Variants in PLCE1 observed in about 807,000 individuals in gnomAD.
PLCE1 encodes phospholipase C epsilon 1.
Under a neutral mutation model 242.8 loss-of-function variants are expected in PLCE1, and 119 were observed. The ratio of observed to expected loss-of-function variants is 0.49; its 90% confidence interval spans 0.42 to 0.57. The LOEUF (loss-of-function observed/expected upper bound fraction) is 0.57. Ranked by LOEUF, PLCE1 falls within the 20% of genes least tolerant of loss-of-function variation. PLCE1 has a pLI of 0.00. For synonymous variants in PLCE1, 945 were observed against 1,017.4 expected, an observed-to-expected ratio of 0.93 and a Z score of 1.35; for missense variants, 2,441 against 2,788.8, an observed-to-expected ratio of 0.88 and a Z score of 2.81.
intron 2 of PLCE1, among the ~76,000 whole-genome samples, chr10:94,077,662 G>A (rs988899270): frequency 3.9e-5 from 6 of 152,140 alleles, no homozygotes; most frequent in Admixed American, 2.0e-4. Flanking sequence ...TAGCTACTCC[G>A]GAGGCTGAGG....
intron 2 of PLCE1, among the ~76,000 whole-genome samples, chr10:94,095,328 CTT>C (rs397695431): frequency 4.4e-5 from 5 of 114,778 alleles, no homozygotes; most frequent in African/African-American, 1.4e-4. Context: ...CAATTTCTTT[CTT>C]TCTTTCTTTC....
At chr10:94,218,014 C>T (rs759156576) in intron 4 of PLCE1, among the ~76,000 whole-genome samples, 1 of 151,346 alleles carries the variant, frequency 6.6e-6, no homozygotes, top group Non-Finnish European at 1.5e-5. Flanking sequence ...AAATTGGTGT[C>T]ACTATAAGTC....
chr10:94,168,615 A>G (rs1007397486), intron 3 of PLCE1, among the ~76,000 whole-genome samples: 1 of 152,328 alleles, frequency 6.6e-6, no homozygotes, highest in Admixed American at 6.5e-5. Context: ...ACCAGTCACT[A>G]GACTTGTTAT....
chr10:94,114,224 G>A (rs1451044196), intron 2 of PLCE1, among the ~76,000 whole-genome samples: 2 of 152,158 alleles, frequency 1.3e-5, no homozygotes, highest in African/African-American at 4.8e-5. Context: ...ACCTCTAGAG[G>A]GGAAGGAAAA....
At chr10:94,117,619 T>C (rs1364788879) in intron 2 of PLCE1, among the ~76,000 whole-genome samples, 1 of 152,124 alleles carries the variant, frequency 6.6e-6, no homozygotes, top group Non-Finnish European at 1.5e-5. Flanking sequence ...ATACCATGAA[T>C]CACTAGATCA....
intron 2 of PLCE1, among the ~76,000 whole-genome samples, chr10:94,111,485 G>A (rs530755152): frequency 6.6e-6 from 1 of 152,312 alleles, no homozygotes; most frequent in East Asian, 1.9e-4. Context: ...CTCCTGACAG[G>A]GAACAGGATT....
intron 4 of PLCE1, among the ~76,000 whole-genome samples, chr10:94,218,710 CTGTT>C (rs1334953601): frequency 6.6e-6 from 1 of 151,140 alleles, no homozygotes; most frequent in South Asian, 2.1e-4. Flanking sequence ...CATGCAGTAA[CTGTT>C]TGTGGAAAAA....
intron 1 of PLCE1, among the ~76,000 whole-genome samples, chr10:94,002,407 G>A (rs1311554630): frequency 6.6e-6 from 1 of 152,092 alleles, no homozygotes; most frequent in African/African-American, 2.4e-5. Context: ...GATCAAATTA[G>A]TCATAGAAGT....
rs1485888450 is a variant in PLCE1, at chr10:94,076,223, G to A, written c.1206+43971G>A. Reference sequence around the variant, plus strand: ...CATAAAAGAGCTAAATAAATAAAAGGGGTACGGGATATCCTTATTAGAGAG... The same window carrying A: ...CATAAAAGAGCTAAATAAATAAAAGAGGTACGGGATATCCTTATTAGAGAG... On this transcript the variant is annotated intron_variant, in intron 2 of 32. Transcript: ENST00000371380. 2.6e-5 allele frequency among the ~76,000 whole-genome samples: 4 copies of A among 152,082 alleles called. No individual in the cohort carries two copies. In the East Asian group the frequency reaches 5.8e-4, roughly 22 times the overall value.
chr10:94,141,737 T>C (rs921889647), intron 3 of PLCE1, among the ~76,000 whole-genome samples: 2 of 150,342 alleles, frequency 1.3e-5, no homozygotes, highest in African/African-American at 4.9e-5. Context: ...AGAAGGAAGA[T>C]CGGGTAATTG....
At position 94,304,474 on chromosome 10, in the gene PLCE1, T is replaced by A; in HGVS notation, c.5459-8T>A. ...CTATATTGGCTTTCTTTGTTGTTTG[T>A]TTTACAGATCTCCCTTTACATTTAA... is the stretch of plus-strand genomic sequence containing the variant. On this transcript the variant is annotated splice_polypyrimidine_tract_variant and splice_region_variant and intron_variant, in intron 24 of 32. Coordinates refer to ENST00000371380, the MANE Select transcript of PLCE1 (RefSeq NM_016341.4). The A allele has an allele frequency of 6.2e-7, 1 of 1,613,714 alleles. No individual in the cohort carries two copies. The highest frequency in any genetic ancestry group is 8.5e-7 in the Non-Finnish European group (1 of 1,179,588).
At chr10:94,176,484 G>T (rs764060071) in intron 4 of PLCE1, among the ~76,000 whole-genome samples, 2 of 152,120 alleles carry the variant, frequency 1.3e-5, no homozygotes, top group Admixed American at 6.5e-5. Flanking sequence ...TTAAAAATAA[G>T]AAATTAGCAG....
Position 94,031,585 on chromosome 10 carries a change from C to T in PLCE1, c.539C>T (p.Pro180Leu). 1 of 1,612,608 alleles carries T rather than the reference C, an allele frequency of 6.2e-7. No individual in the cohort carries two copies. Among genetic ancestry groups the T allele is most frequent in the Non-Finnish European group, 8.5e-7 (1 of 1,179,638 alleles). ...SVIIETGRAHPDSRRAVFHFH... is the reference protein window; with the variant it reads ...SVIIETGRAHLDSRRAVFHFH... ...ATCATAGAGACAGGCAGAGCACACC[C>T]TGACAGCAGAAGGGCAGTATTTCAT... Residue 180 changes from proline (P) to leucine (L), a missense_variant, in exon 2 of 33, where the codon CCT becomes CTT. Transcript: ENST00000371380.
At position 94,147,509 on chromosome 10, in the gene PLCE1, T is replaced by C. The variant is rs145803295; in HGVS notation, c.1492+15050T>C. Among the ~76,000 whole-genome samples the C allele has an allele frequency of 5.6e-3, 849 of 151,878 alleles. 6 individuals are homozygous for C. The highest frequency in any genetic ancestry group is 7.2e-3 in the Non-Finnish European group (487 of 67,910). On this transcript the variant is annotated intron_variant, in intron 3 of 32. Transcript: ENST00000371380. ...GAAGAAAGAAAGAAGGGGAGGCAGATTAGAGAATTATGAATGTTCATTCAT... is the reference window on the plus strand; with the variant it reads ...GAAGAAAGAAAGAAGGGGAGGCAGACTAGAGAATTATGAATGTTCATTCAT...
At chr10:94,214,985 T>C (rs1475240605) in intron 4 of PLCE1, among the ~76,000 whole-genome samples, 1 of 152,136 alleles carries the variant, frequency 6.6e-6, no homozygotes, top group Non-Finnish European at 1.5e-5. Context: ...GTCCAGCCCA[T>C]TCCAGTGCAG....
chr10:94,131,856 ATC>A (rs1160286633), intron 2 of PLCE1, among the ~76,000 whole-genome samples: 1 of 152,244 alleles, frequency 6.6e-6, no homozygotes, highest in Non-Finnish European at 1.5e-5. Flanking sequence ...GTTTGCCTTC[ATC>A]TCTCTGCAGA....
chr10:94,133,401 A>G (rs967305854), intron 3 of PLCE1, among the ~76,000 whole-genome samples: 10 of 152,236 alleles, frequency 6.6e-5, no homozygotes, highest in Non-Finnish European at 1.3e-4. Flanking sequence ...TGTACACTGC[A>G]TAGCTGTCAC....
At chr10:94,104,211 TGTACAAATA>T (rs2045643579) in intron 2 of PLCE1, 1 of 152,224 alleles carries the variant, frequency 6.6e-6, no homozygotes, top group Non-Finnish European at 1.5e-5. Flanking sequence ...CTCAAAACAG[TGTACAAATA>T]GTAACGTCCT....
At chr10:94,200,196 C>T (rs2048950260) in intron 4 of PLCE1, among the ~76,000 whole-genome samples, 1 of 152,176 alleles carries the variant, frequency 6.6e-6, no homozygotes, top group Admixed American at 6.5e-5. Context: ...CCAGTAGCAA[C>T]AAGGACACCT....
Sources: gnomAD v4.1 joint callset for allele counts (sites outside exome capture counted in the v4.1 genomes callset) on GRCh38, gnomAD v4.1.1 for gene constraint, MANE v1.5 for transcripts, NCBI Gene and HGNC (gene_info 2026-07-23, HGNC 2026-07-21) for gene names.